The following NPS variants were observed in gnomAD, a reference collection of about 807,000 sequenced individuals.
The protein encoded by NPS is neuropeptide S.
A neutral mutation model predicts 7.2 loss-of-function variants in NPS; 6 were observed. The observed-to-expected ratio is 0.83, with a 90% CI of 0.46 to 1.64. NPS has a LOEUF of 1.64. Ranked by LOEUF, NPS falls within the 40% of genes most tolerant of loss-of-function variation. The pLI, the probability that NPS is intolerant of heterozygous loss-of-function variation, is 0.01. For missense variants in NPS, 123 were observed against 97.8 expected (o/e 1.26, Z -1.09); for synonymous variants, 42 against 36.7 (o/e 1.14, Z -0.52).
intron 2 of NPS, 119 bp downstream of exon 2, chr10:127,549,689 T>C (rs1364312136): frequency 1.5e-6 from 1 of 669,138 alleles, no homozygotes; most frequent in Non-Finnish European, 2.6e-6. Context: ...TTATTAGAGT[T>C]CTCAATGGGA....
In NPS at chr10:127,553,425, G is replaced by A. The variant is rs1201045261; in HGVS notation, c.*786G>A. Among the ~76,000 whole-genome samples the A allele has an allele frequency of 6.6e-6, 1 of 152,070 alleles. No individual in the cohort carries two copies. The highest frequency in any genetic ancestry group is 2.1e-4 in the South Asian group (1 of 4,822). Reference sequence around the variant, plus strand: ...CCCTCTCCTTTCCCCCATCCTTCCAGGAAAGACTGCCCACTCTTTGCACTG... The same window carrying A: ...CCCTCTCCTTTCCCCCATCCTTCCAAGAAAGACTGCCCACTCTTTGCACTG... On this transcript the variant is annotated 3_prime_UTR_variant, in exon 3 of 3. Coordinates refer to ENST00000398023, the MANE Select transcript of NPS (RefSeq NM_001030013.2).
At position 127,549,541 on chromosome 10, in the gene NPS, T is replaced by C. The variant is rs779907321; in HGVS notation, c.61T>C (p.Phe21Leu). The change falls in exon 2 of 3, where the codon TTT (phenylalanine) becomes CTT (leucine). Residue 21 changes from phenylalanine to leucine, a missense_variant. Transcript: ENST00000398023. ...LVLSLSTMHV[F>L]WCYPVPSSKV... ...TCTGTCGCTGTCCACAATGCATGTGTTTTGGTGTTATCCAGTTCCATCTTC... is the reference window on the plus strand; with the variant it reads ...TCTGTCGCTGTCCACAATGCATGTGCTTTGGTGTTATCCAGTTCCATCTTC... 9 of 1,610,938 alleles carry C rather than the reference T, an allele frequency of 5.6e-6. No homozygotes were observed. The highest frequency in any genetic ancestry group is 7.6e-6 in the Non-Finnish European group (9 of 1,177,130).
intron 2 of NPS, among the ~76,000 whole-genome samples, chr10:127,550,961 T>C (rs760758085): frequency 1.3e-5 from 2 of 152,218 alleles, no homozygotes; most frequent in Non-Finnish European, 2.9e-5. Context: ...AGTGTCTTTT[T>C]AGGGATGTTT....
Position 127,553,411 on chromosome 10 carries a change from C to G in NPS, c.*772C>G, listed in dbSNP as rs543488461. ...TATGCTGATTAATGCCCTCTCCTTTCCCCCATCCTTCCAGGAAAGACTGCC... is the reference window on the plus strand; with the variant it reads ...TATGCTGATTAATGCCCTCTCCTTTGCCCCATCCTTCCAGGAAAGACTGCC... On this transcript the variant is annotated 3_prime_UTR_variant, in exon 3 of 3. Transcript: ENST00000398023. Among the ~76,000 whole-genome samples the G allele has an allele frequency of 1.3e-5, 2 of 152,286 alleles. No individual in the cohort carries two copies. Among genetic ancestry groups the G allele is most frequent in the African/African-American group, 4.8e-5 (2 of 41,560 alleles).
Position 127,549,529 on chromosome 10 carries a change from A to T in NPS, c.49A>T (p.Thr17Ser). Reference sequence around the variant, plus strand: ...TCTCATCCTAGTTCTGTCGCTGTCCACAATGCATGTGTTTTGGTGTTATCC... The same window carrying T: ...TCTCATCCTAGTTCTGTCGCTGTCCTCAATGCATGTGTTTTGGTGTTATCC... ...LNLILVLSLS[T>S]MHVFWCYPVP... Residue 17 changes from threonine to serine, a missense_variant, in exon 2 of 3, where the codon ACA (threonine) becomes TCA (serine). Transcript: ENST00000398023. The T allele has an allele frequency of 6.2e-7, 1 of 1,612,734 alleles. No homozygotes were observed. Among genetic ancestry groups the T allele is most frequent in the Non-Finnish European group, 8.5e-7 (1 of 1,178,760 alleles).
At chr10:127,552,147 A>G (rs985981326) in intron 2 of NPS, among the ~76,000 whole-genome samples, 3 of 152,216 alleles carry the variant, frequency 2.0e-5, no homozygotes, top group African/African-American at 7.2e-5. Flanking sequence ...AACAATTCCC[A>G]GGGCTAATTA....
At chr10:127,551,668 G>A (rs993131046) in intron 2 of NPS, among the ~76,000 whole-genome samples, 1 of 152,104 alleles carries the variant, frequency 6.6e-6, no homozygotes, top group Admixed American at 6.6e-5. Flanking sequence ...TGCATTATTG[G>A]TGAAATTTGT....
At position 127,553,189 on chromosome 10, in the gene NPS, T is replaced by G. The variant is rs1462145760; in HGVS notation, c.*550T>G. On this transcript the variant is annotated 3_prime_UTR_variant, in exon 3 of 3. Coordinates refer to ENST00000398023, the MANE Select transcript of NPS (RefSeq NM_001030013.2). ...CCAAGAACAAACATCCCTGGAGCAC[T>G]CTAGATGTAATTCTTGTCTCCCTTT... Among the ~76,000 whole-genome samples, 1 of 152,186 alleles carries G rather than the reference T, an allele frequency of 6.6e-6. No homozygotes were observed. Among genetic ancestry groups the G allele is most frequent in the Admixed American group, 6.5e-5 (1 of 15,280 alleles).
chr10:127,549,576 G>T lies in NPS; in HGVS notation c.90+6G>T. On this transcript the variant is annotated splice_donor_region_variant and intron_variant, in intron 2 of 2. Coordinates refer to ENST00000398023, the MANE Select transcript of NPS (RefSeq NM_001030013.2). ...ATCCAGTTCCATCTTCTAAGGTAAGGATTTGCCTCCGTTGTGGATATTTAA... is the reference window on the plus strand; with the variant it reads ...ATCCAGTTCCATCTTCTAAGGTAAGTATTTGCCTCCGTTGTGGATATTTAA... The T allele has an allele frequency of 6.5e-7, 1 of 1,543,638 alleles. No individual in the cohort carries two copies. Among genetic ancestry groups the T allele is most frequent in the South Asian group, 1.1e-5 (1 of 89,408 alleles).
At chr10:127,550,464 T>A (rs1385520972) in intron 2 of NPS, among the ~76,000 whole-genome samples, 1 of 152,194 alleles carries the variant, frequency 6.6e-6, no homozygotes, top group African/African-American at 2.4e-5. Flanking sequence ...AGTCATCAAT[T>A]CTATAAGACA....
At chr10:127,551,107 G>C (rs1231607654) in intron 2 of NPS, among the ~76,000 whole-genome samples, 2 of 152,154 alleles carry the variant, frequency 1.3e-5, no homozygotes, top group Admixed American at 6.5e-5. Flanking sequence ...ATTTTAAATA[G>C]AAGGCGTTCT....
rs748644628 is a variant in NPS at position 127,552,508 on chromosome 10, A to C, written c.139A>C (p.Thr47Pro). 12 of 1,612,570 alleles carry C rather than the reference A, an allele frequency of 7.4e-6. No individual in the cohort carries two copies. In the Admixed American group the frequency reaches 2.0e-4, roughly 27 times the overall value. ...YFLILLNSCP[T>P]RLDRSKELAF... is the part of the protein sequence containing the mutation. The stretch of plus-strand genomic sequence containing the variant: ...TCTCATTCTGCTGAACAGCTGCCCA[A>C]CCAGATTGGACAGGAGCAAAGAACT... Residue 47 changes from threonine to proline, a missense_variant, in exon 3 of 3, where the codon ACC (threonine) becomes CCC (proline). By Grantham distance (38) the Thr-to-Pro change is conservative. Coordinates refer to ENST00000398023, the MANE Select transcript of NPS (RefSeq NM_001030013.2).
Position 127,553,524 on chromosome 10 carries a change from A to G in NPS, c.*885A>G, listed in dbSNP as rs1248376339. On this transcript the variant is annotated 3_prime_UTR_variant, in exon 3 of 3. Coordinates refer to ENST00000398023, the MANE Select transcript of NPS (RefSeq NM_001030013.2). ...GTGTTATTTCAAATGCATAATGTTA[A>G]TAAATCTGTTCACGCATATTGGATT... Among the ~76,000 whole-genome samples the G allele has an allele frequency of 6.6e-6, 1 of 152,158 alleles. No individual in the cohort carries two copies. The highest frequency in any genetic ancestry group is 1.5e-5 in the Non-Finnish European group (1 of 68,032).
Position 127,553,067 on chromosome 10 carries a change from GT to G in NPS, c.*429del, listed in dbSNP as rs571184110. On this transcript the variant is annotated 3_prime_UTR_variant, in exon 3 of 3. Transcript: ENST00000398023. ...TGACTTAACAGGCTCAATTCTTGGG[GT>G]GGGGGGATGTGCTATTTCTGTTTCT... 4.3e-3 allele frequency among the ~76,000 whole-genome samples: 655 copies of G among 152,068 alleles called. 3 individuals are homozygous for G. The highest frequency in any genetic ancestry group is 0.01 in the African/African-American group (432 of 41,472).
rs889723577 is a variant in NPS at position 127,552,692 on chromosome 10, G to T, written c.*53G>T. The stretch of plus-strand genomic sequence containing the variant: ...AATCTAACTGTAGAGTGTGACTGAC[G>T]TACTCAAAGTCCATCGTCTCTTTAT... On this transcript the variant is annotated 3_prime_UTR_variant, in exon 3 of 3. Transcript: ENST00000398023. 9 of 1,176,654 alleles carry T rather than the reference G, an allele frequency of 7.6e-6. No homozygotes were observed. Among genetic ancestry groups the T allele is most frequent in the Non-Finnish European group, 1.1e-5 (9 of 796,714 alleles). 72.9% of individuals were successfully genotyped at this position (1,176,654 alleles called of 1,614,324 possible).
In NPS at chr10:127,549,771, A is replaced by G. The variant is rs184266834; in HGVS notation, c.90+201A>G. Among the ~76,000 whole-genome samples, 297 of 152,338 alleles carry G rather than the reference A, an allele frequency of 1.9e-3. 1 individual carries two copies. Among genetic ancestry groups the G allele is most frequent in the Non-Finnish European group, 3.6e-3 (245 of 68,022 alleles). ...ACAAGTAACACTGGACTATATTCAAATTTGTTTTGAATTATTTAGGGTTGG... is the reference window on the plus strand; with the variant it reads ...ACAAGTAACACTGGACTATATTCAAGTTTGTTTTGAATTATTTAGGGTTGG... On this transcript the variant is annotated intron_variant, in intron 2 of 2. Transcript: ENST00000398023.
At chr10:127,551,678 T>C (rs1361349340) in intron 2 of NPS, among the ~76,000 whole-genome samples, 2 of 152,202 alleles carry the variant, frequency 1.3e-5, no homozygotes, top group Non-Finnish European at 2.9e-5. Flanking sequence ...GTGAAATTTG[T>C]ATTAGCATCT....
rs1384979460 is a variant in NPS at position 127,549,547 on chromosome 10, T to A, written c.67T>A (p.Cys23Ser). Residue 23 changes from cysteine (C) to serine (S), a missense_variant, in exon 2 of 3, where the codon TGT becomes AGT. Coordinates refer to ENST00000398023, the MANE Select transcript of NPS (RefSeq NM_001030013.2). ...GCTGTCCACAATGCATGTGTTTTGG[T>A]GTTATCCAGTTCCATCTTCTAAGGT... ...LSLSTMHVFW[C>S]YPVPSSKVSG... The A allele has an allele frequency of 1.2e-6, 2 of 1,607,796 alleles. No individual in the cohort carries two copies. The highest frequency in any genetic ancestry group is 2.2e-5 in the South Asian group (2 of 90,966).
rs1844876870 is a variant in NPS, at chr10:127,553,415, C to T, written c.*776C>T. Among the ~76,000 whole-genome samples, 1 of 152,204 alleles carries T rather than the reference C, an allele frequency of 6.6e-6. No individual in the cohort carries two copies. Among genetic ancestry groups the T allele is most frequent in the Non-Finnish European group, 1.5e-5 (1 of 68,034 alleles). On this transcript the variant is annotated 3_prime_UTR_variant, in exon 3 of 3. Transcript: ENST00000398023. ...CTGATTAATGCCCTCTCCTTTCCCCCATCCTTCCAGGAAAGACTGCCCACT... is the reference window on the plus strand; with the variant it reads ...CTGATTAATGCCCTCTCCTTTCCCCTATCCTTCCAGGAAAGACTGCCCACT...
Sources: allele counts gnomAD v4.1 joint callset (sites outside exome capture counted in the v4.1 genomes callset), GRCh38; gene constraint gnomAD v4.1.1; transcripts MANE v1.5; gene names NCBI Gene and HGNC (gene_info 2026-07-23, HGNC 2026-07-21).